CHODL: variants seen among roughly 807,000 people sequenced by gnomAD.
The protein encoded by CHODL is transmembrane protein MT75.
A neutral mutation model predicts 34.5 loss-of-function variants in CHODL; 29 were observed. That is an observed-to-expected ratio of 0.84 (90% CI 0.63 to 1.15). The LOEUF (loss-of-function observed/expected upper bound fraction) is 1.15, where lower values mean the gene tolerates loss of function less well. Ranked by LOEUF, CHODL falls within the 50% of genes most tolerant of loss-of-function variation. The probability of loss-of-function intolerance (pLI) is 0.00; values close to 1 mark genes in which losing one functional copy is unlikely to be tolerated. For missense variants in CHODL, 332 were observed against 332.5 expected (o/e 1.00, Z 0.01); for synonymous variants, 125 against 116.1 (o/e 1.08, Z -0.49).
At chr21:18,077,650 T>G (rs145271766) in intron 2 of CHODL, among the ~76,000 whole-genome samples, 30 of 152,274 alleles carry the variant, frequency 2.0e-4, no homozygotes, top group African/African-American at 7.2e-4. Context: ...AGAGAGCTCC[T>G]TTGCCCATTT....
chr21:18,120,111 G>T (rs2065461946), intron 2 of CHODL, among the ~76,000 whole-genome samples: 1 of 151,920 alleles, frequency 6.6e-6, no homozygotes, highest in Non-Finnish European at 1.5e-5. Context: ...TGGAGCAAGG[G>T]GCTAAAGATA....
At position 18,266,277 on chromosome 21, in the gene CHODL, A is replaced by G; in HGVS notation, c.*239A>G. 7.6e-7 allele frequency: 1 copy of G among 1,315,814 alleles called. No individual in the cohort carries two copies. The highest frequency in any genetic ancestry group is 1.0e-6 in the Non-Finnish European group (1 of 983,422). 81.5% of individuals were successfully genotyped at this position (1,315,814 alleles called of 1,614,324 possible). The stretch of plus-strand genomic sequence containing the variant: ...GCTAAAGGATGCACCCAAACTTCAA[A>G]CTTCAAGCAAATGAAATGGACAATG... On this transcript the variant is annotated 3_prime_UTR_variant, in exon 6 of 6. Transcript: ENST00000299295.
chr21:18,150,832 T>C (rs2072955684), intron 2 of CHODL, among the ~76,000 whole-genome samples: 1 of 152,066 alleles, frequency 6.6e-6, no homozygotes, highest in South Asian at 2.1e-4. Flanking sequence ...ACTTCTGTAA[T>C]CCCAGCACTT....
chr21:18,077,648 C>G (rs940911095), intron 2 of CHODL, among the ~76,000 whole-genome samples: 2 of 152,152 alleles, frequency 1.3e-5, no homozygotes, highest in African/African-American at 4.8e-5. Context: ...CCAGAGAGCT[C>G]CTTTGCCCAT....
At chr21:18,132,259 G>A (rs567844316) in intron 2 of CHODL, among the ~76,000 whole-genome samples, 12 of 152,142 alleles carry the variant, frequency 7.9e-5, no homozygotes, top group African/African-American at 2.6e-4. Flanking sequence ...GGAAAATTGT[G>A]AGGAAAATGT....
chr21:17,980,978 CCATGAAATG>C (rs2063709307), intron 1 of CHODL, among the ~76,000 whole-genome samples: 1 of 152,132 alleles, frequency 6.6e-6, no homozygotes, highest in Admixed American at 6.5e-5. Flanking sequence ...ATCTCAGTTT[CCATGAAATG>C]CAGACAATAA....
intron 4 of CHODL, among the ~76,000 whole-genome samples, chr21:18,260,915 G>T (rs1312066717): frequency 6.6e-6 from 1 of 152,116 alleles, no homozygotes; most frequent in African/African-American, 2.4e-5. Flanking sequence ...CAACATGTAG[G>T]CGTCATGATG....
intron 2 of CHODL, among the ~76,000 whole-genome samples, chr21:18,158,412 A>G (rs2073058152): frequency 2.6e-5 from 4 of 152,232 alleles, no homozygotes. Context: ...ACACAGAAGC[A>G]TAGATTATTC....
At chr21:18,140,647 T>C (rs2072789543) in intron 2 of CHODL, among the ~76,000 whole-genome samples, 1 of 152,022 alleles carries the variant, frequency 6.6e-6, no homozygotes, top group South Asian at 2.1e-4. Context: ...AGCCAGAAAA[T>C]GGGACTAAGA....
At chr21:17,984,956 A>G (rs950972623) in intron 1 of CHODL, among the ~76,000 whole-genome samples, 4 of 152,120 alleles carry the variant, frequency 2.6e-5, no homozygotes, top group African/African-American at 9.7e-5. Context: ...TTTTGCAGGA[A>G]TATCGCAATA....
chr21:18,151,206 A>G (rs980451294), intron 2 of CHODL, among the ~76,000 whole-genome samples: 1 of 152,036 alleles, frequency 6.6e-6, no homozygotes, highest in African/African-American at 2.4e-5. Context: ...CTGCACAGAG[A>G]GGCCAAGAAG....
In CHODL at chr21:17,968,604, A is replaced by T. The variant is rs1223521690; in HGVS notation, c.-145+51204A>T. Among the ~76,000 whole-genome samples the T allele has an allele frequency of 2.0e-5, 3 of 152,178 alleles. No individual in the cohort carries two copies. The East Asian group carries it at 5.8e-4, about 29-fold the overall frequency. ...TTTCACCAAAGAAAGTACAAACCTG[A>T]TGAAGGAAAATTCATGCCTTGTTAG... On this transcript the variant is annotated intron_variant, in intron 1 of 6. Transcript: ENST00000400127.
At chr21:18,074,800 G>A (rs1175131694) in intron 2 of CHODL, among the ~76,000 whole-genome samples, 1 of 152,126 alleles carries the variant, frequency 6.6e-6, no homozygotes, top group Non-Finnish European at 1.5e-5. Context: ...TCTTTTCAAA[G>A]TTTAGATTAA....
At chr21:18,122,579 C>A (rs544523010) in intron 2 of CHODL, among the ~76,000 whole-genome samples, 3 of 152,090 alleles carry the variant, frequency 2.0e-5, no homozygotes, top group South Asian at 4.1e-4. Flanking sequence ...ATGGGCTCTT[C>A]CAATGCCAGA....
rs1263528477 is a variant in CHODL at position 18,245,215 on chromosome 21, C to T, written c.-9C>T. ...TCCACGCAACACCTGCTGCTGCCAC[C>T]GCGCCGCGATGAGCCGCGTGGTCTC... On this transcript the variant is annotated 5_prime_UTR_variant, in exon 1 of 6. Transcript: ENST00000299295. 4 of 1,519,368 alleles carry T rather than the reference C, an allele frequency of 2.6e-6. No homozygotes were observed. Among genetic ancestry groups the T allele is most frequent in the Non-Finnish European group, 3.5e-6 (4 of 1,140,916 alleles). 94.1% of individuals were successfully genotyped at this position (1,519,368 alleles called of 1,614,324 possible).
rs116988993 is a variant in CHODL, at chr21:18,109,276, G to A, written c.-45+81305G>A. On this transcript the variant is annotated intron_variant, in intron 2 of 6. Transcript: ENST00000400127. ...AGAGGGTAGAGCATCCCTTCATCTCGCCACAGAATCTGAAAATCAGATGCT... is the reference window on the plus strand; with the variant it reads ...AGAGGGTAGAGCATCCCTTCATCTCACCACAGAATCTGAAAATCAGATGCT... 7.2e-5 allele frequency among the ~76,000 whole-genome samples: 11 copies of A among 152,118 alleles called. No individual in the cohort carries two copies. In the East Asian group the frequency reaches 9.7e-4, roughly 13 times the overall value.
upstream of CHODL, among the ~76,000 whole-genome samples, chr21:18,243,192 A>G (rs1031990365): frequency 6.6e-6 from 1 of 152,216 alleles, no homozygotes; most frequent in African/African-American, 2.4e-5. Flanking sequence ...CTTCCATTAC[A>G]GCATTTATAC....
rs61591273 is a variant in CHODL, at chr21:17,983,912, T to TG, written c.-144-43952dup. On this transcript the variant is annotated intron_variant, in intron 1 of 6. Transcript: ENST00000400127. ...CCTTTCCTGTGTGCAAGTGTGTGTG[T>TG]GGGGGGGGTGGGGGCAAGAACACTT... 4.4e-3 allele frequency among the ~76,000 whole-genome samples: 662 copies of TG among 149,686 alleles called. 6 individuals carry two copies. Among genetic ancestry groups the TG allele is most frequent in the African/African-American group, 0.015 (618 of 40,666 alleles).
At chr21:17,963,283 C>T (rs945320554) in intron 1 of CHODL, among the ~76,000 whole-genome samples, 4 of 151,954 alleles carry the variant, frequency 2.6e-5, no homozygotes, top group Non-Finnish European at 2.9e-5. Flanking sequence ...CCGGTAATTA[C>T]GTAGAAAAAT....
Sources: gnomAD v4.1 joint callset for allele counts (sites outside exome capture counted in the v4.1 genomes callset) on GRCh38, gnomAD v4.1.1 for gene constraint, MANE v1.5 for transcripts, NCBI Gene and HGNC (gene_info 2026-07-23, HGNC 2026-07-21) for gene names.